Variants in DHX8 observed in about 807,000 individuals in gnomAD.
The protein encoded by DHX8 is ATP-dependent RNA helicase DHX8.
In DHX8, 67 loss-of-function variants were observed where a neutral mutation model predicts 140.7. The ratio of observed to expected loss-of-function variants is 0.48; its 90% confidence interval spans 0.39 to 0.58. DHX8 has a LOEUF of 0.58. DHX8 is among the 20% of genes least tolerant of loss of function. The pLI, the probability that DHX8 is intolerant of heterozygous loss-of-function variation, is 0.00. For missense variants in DHX8, 887 were observed against 1,550.7 expected (o/e 0.57, Z 7.19); for synonymous variants, 533 against 553.2 (o/e 0.96, Z 0.51).
intron 20 of DHX8, among the ~76,000 whole-genome samples, chr17:43,521,152 A>G (rs904030224): frequency 1.3e-5 from 2 of 151,826 alleles, no homozygotes; most frequent in Non-Finnish European, 2.9e-5. Flanking sequence ...TAGTAGAGAC[A>G]GGGTTGCACC....
At chr17:43,523,025 T>C (rs1186684695) in intron 22 of DHX8, among the ~76,000 whole-genome samples, 1 of 146,954 alleles carries the variant, frequency 6.8e-6, no homozygotes, top group Non-Finnish European at 1.5e-5. Context: ...ATTGTGCCAT[T>C]GTACTCCAGC....
intron 2 of DHX8, chr17:43,532,968 G>C (rs1366842200): frequency 1.3e-6 from 2 of 1,534,246 alleles, no homozygotes; most frequent in East Asian, 4.5e-5. Flanking sequence ...AGAAGGAAGA[G>C]AAGAGAACTT....
At chr17:43,541,999 T>C (rs1971547681) in intron 3 of DHX8, among the ~76,000 whole-genome samples, 1 of 152,106 alleles carries the variant, frequency 6.6e-6, no homozygotes, top group Non-Finnish European at 1.5e-5. Context: ...TACTTCACTC[T>C]TGCAGCAGCA....
rs921960960 is a variant in DHX8, at chr17:43,524,451, G to C, written c.*604G>C. 2 of 987,404 alleles carry C rather than the reference G, an allele frequency of 2.0e-6. No homozygotes were observed. Among genetic ancestry groups the C allele is most frequent in the African/African-American group, 3.5e-5 (2 of 57,218 alleles). The allele number at this position is 987,404 out of a possible 1,614,324, so 61.2% of individuals were successfully genotyped here. A position where few individuals can be genotyped will look rare whatever the true frequency, so the allele number is the denominator to read the frequency against. ...CCCCTGAATCCCCTGAAACCAGAAC[G>C]CAGGGCCTCTTTGCGCTCGGAAACG... On this transcript the variant is annotated 3_prime_UTR_variant, in exon 23 of 23. Transcript: ENST00000262415.
exon 4 of DHX8, chr17:43,544,442 C>T (rs972288596): frequency 6.5e-6 from 1 of 153,226 alleles, no homozygotes; most frequent in Non-Finnish European, 1.5e-5. Flanking sequence ...AAAGGACTGC[C>T]GAAAAGAATT....
chr17:43,503,627 C>T (rs1969334360), intron 11 of DHX8, among the ~76,000 whole-genome samples: 1 of 152,118 alleles, frequency 6.6e-6, no homozygotes. Context: ...CTCGCCACTG[C>T]ACTCCAGCCT....
intron 2 of DHX8, 41 bp from the exon 3 acceptor site, chr17:43,490,350 T>C (rs1378486544): frequency 1.3e-6 from 2 of 1,521,416 alleles, no homozygotes; most frequent in South Asian, 2.3e-5. Flanking sequence ...TAAGCACTGA[T>C]ATGGGAGCTG....
intron 1 of DHX8, among the ~76,000 whole-genome samples, chr17:43,486,875 C>CAA (rs34339308): frequency 0.02 from 1,912 of 95,182 alleles, 45 homozygotes; most frequent in African/African-American, 0.062. Flanking sequence ...GACTCCGTCT[C>CAA]AAAAAAAAAA....
chr17:43,507,818 A>G lies in DHX8; in HGVS notation c.2119A>G (p.Lys707Glu). ...LFGLLKKTVQ[K>E]RQDMKLIVTS... ...TAATATTTCTCTTCAGACAGTTCAG[A>G]AACGGCAGGACATGAAGCTGATTGT... The change falls in exon 15 of 23, where the codon AAA (lysine) becomes GAA (glutamate). Residue 707 changes from lysine (K) to glutamate (E), a missense_variant. Physicochemically the swap from Lys to Glu is moderately conservative, Grantham distance 56 (BLOSUM62 1). This residue lies in a region of DHX8 where 178 missense variants were observed against 398.5 expected (regional missense o/e 0.45). Coordinates refer to ENST00000262415, the MANE Select transcript of DHX8 (RefSeq NM_004941.3). 1 of 1,614,208 alleles carries G rather than the reference A, an allele frequency of 6.2e-7. No homozygotes were observed. Among genetic ancestry groups the G allele is most frequent in the Non-Finnish European group, 8.5e-7 (1 of 1,180,036 alleles).
chr17:43,529,733 C>A, downstream of DHX8: 1 of 1,589,236 alleles, frequency 6.3e-7, no homozygotes, highest in Non-Finnish European at 8.6e-7. Context: ...CCCCAAGCAA[C>A]CGCCTCCCAC....
chr17:43,521,415 C>G lies in DHX8; in HGVS notation c.3113C>G (p.Thr1038Ser). Residue 1038 changes from threonine (T) to serine (S), a missense_variant, in exon 21 of 23, where the codon ACT becomes AGT. Thr to Ser is a moderately conservative substitution (Grantham distance 58). Coordinates refer to ENST00000262415, the MANE Select transcript of DHX8 (RefSeq NM_004941.3). The stretch of plus-strand genomic sequence containing the variant: ...CAGAAGAAGGCCAAATTCCACCAGA[C>G]TGAAGGGGACCACCTCACCCTGCTA... ...ADQKKAKFHQTEGDHLTLLAV... is the reference protein window; with the variant it reads ...ADQKKAKFHQSEGDHLTLLAV... The G allele has an allele frequency of 6.2e-7, 1 of 1,613,936 alleles. No individual in the cohort carries two copies. The highest frequency in any genetic ancestry group is 8.5e-7 in the Non-Finnish European group (1 of 1,179,960).
rs553259977 is a variant in DHX8, at chr17:43,517,442, T to A, written c.2799+120T>A. On this transcript the variant is annotated intron_variant, in intron 18 of 22. Transcript: ENST00000262415. The stretch of plus-strand genomic sequence containing the variant: ...TTAGTAACCTCATGAAAGCAGTCCC[T>A]TTGAGTGAAATGCAAATGGCTGTGA... The A allele has an allele frequency of 3.3e-6, 4 of 1,205,362 alleles. No individual in the cohort carries two copies. The South Asian group carries it at 6.4e-5, about 19-fold the overall frequency. 74.7% of individuals were successfully genotyped at this position (1,205,362 alleles called of 1,614,324 possible). A position where few individuals can be genotyped will look rare whatever the true frequency, so the allele number is the denominator to read the frequency against.
intron 3 of DHX8, among the ~76,000 whole-genome samples, chr17:43,541,560 T>TG (rs754473211): frequency 4.6e-5 from 7 of 151,754 alleles, no homozygotes; most frequent in Non-Finnish European, 8.8e-5. Context: ...AGGAGGGGCT[T>TG]GGGGGGTCTC....
rs191769942 is a variant in DHX8, at chr17:43,494,646, G to A, written c.1212+760G>A. ...TGAGGCAGGAGAATCGCTTGAACCC[G>A]GGAGGCGGAGGTTACAGTGAGCTGA... On this transcript the variant is annotated intron_variant, in intron 8 of 22. Transcript: ENST00000262415. Among the ~76,000 whole-genome samples, 1,272 of 148,866 alleles carry A rather than the reference G, an allele frequency of 8.5e-3. 25 individuals are homozygous for A. Among genetic ancestry groups the A allele is most frequent in the African/African-American group, 0.03 (1,215 of 40,458 alleles).
chr17:43,488,263 G>C (rs530701621), intron 1 of DHX8, among the ~76,000 whole-genome samples: 1 of 151,404 alleles, frequency 6.6e-6, no homozygotes, highest in East Asian at 1.9e-4. Flanking sequence ...GGGCGACAGA[G>C]CGAGACTCCG....
intron 1 of DHX8, among the ~76,000 whole-genome samples, chr17:43,485,374 T>G (rs1206360828): frequency 6.6e-6 from 1 of 152,228 alleles, no homozygotes; most frequent in Non-Finnish European, 1.5e-5. Flanking sequence ...TTTTCTCATC[T>G]GTGAAGTGGG....
intron 16 of DHX8, among the ~76,000 whole-genome samples, chr17:43,510,312 C>G (rs1317143204): frequency 1.3e-5 from 2 of 152,046 alleles, no homozygotes; most frequent in African/African-American, 4.8e-5. Flanking sequence ...CCTCCCAAAG[C>G]GCCGGGATTC....
chr17:43,517,690 G>A (rs975121858), intron 18 of DHX8: 2 of 166,766 alleles, frequency 1.2e-5, no homozygotes, highest in Admixed American at 1.2e-4. Context: ...CTTTTAGAAC[G>A]AGAGAAAACC....
intron 18 of DHX8, 161 bp downstream of exon 18, chr17:43,517,483 G>A (rs1970170444): frequency 3.8e-6 from 3 of 793,368 alleles, no homozygotes; most frequent in Non-Finnish European, 5.7e-6. Context: ...GCCTCTCACG[G>A]CAGGTCTGGG....
Sources: allele counts gnomAD v4.1 joint callset (sites outside exome capture counted in the v4.1 genomes callset), GRCh38; gene constraint gnomAD v4.1.1; regional missense constraint gnomAD v4.1.1; transcripts MANE v1.5; gene names NCBI Gene and HGNC (gene_info 2026-07-23, HGNC 2026-07-21).